The following FAM135A variants were observed in gnomAD, a reference collection of about 807,000 sequenced individuals.
The protein encoded by FAM135A is protein FAM135A.
Under a neutral mutation model 146.8 loss-of-function variants are expected in FAM135A, and 79 were observed. The observed-to-expected ratio is 0.54, with a 90% CI of 0.45 to 0.65. The LOEUF (loss-of-function observed/expected upper bound fraction) is 0.65. FAM135A is among the 30% of genes least tolerant of loss of function. FAM135A has a pLI of 0.00. For synonymous variants in FAM135A, 562 were observed against 603.6 expected (o/e 0.93, Z 1.01); for missense variants, 1,623 against 1,758.2 (o/e 0.92, Z 1.38).
At chr6:70,478,304 A>T (rs1341390532) in intron 8 of FAM135A, among the ~76,000 whole-genome samples, 3 of 152,164 alleles carry the variant, frequency 2.0e-5, no homozygotes, top group Non-Finnish European at 4.4e-5. Flanking sequence ...AGTTTTTACA[A>T]CATCATCCTT....
intron 4 of FAM135A, among the ~76,000 whole-genome samples, chr6:70,446,968 A>C (rs1775891265): frequency 6.6e-6 from 1 of 152,228 alleles, no homozygotes; most frequent in African/African-American, 2.4e-5. Flanking sequence ...ATAGGTACAG[A>C]AGTTATAATT....
chr6:70,537,525 T>C (rs1448854036), intron 19 of FAM135A, among the ~76,000 whole-genome samples: 1 of 152,186 alleles, frequency 6.6e-6, no homozygotes, highest in East Asian at 1.9e-4. Context: ...TAATGTATAA[T>C]AGAACCCAAC....
chr6:70,533,070 C>A, intron 16 of FAM135A, 90 bp from the exon 17 acceptor site: 1 of 1,005,984 alleles, frequency 9.9e-7, no homozygotes, highest in Non-Finnish European at 1.5e-6. Flanking sequence ...AGGCCATAAG[C>A]TTGTCTCTAA....
chr6:70,489,341 A>T (rs1013697657), intron 10 of FAM135A, among the ~76,000 whole-genome samples: 3 of 152,204 alleles, frequency 2.0e-5, no homozygotes, highest in Non-Finnish European at 4.4e-5. Flanking sequence ...TTAGTTACCA[A>T]CAAGTTGGCC....
chr6:70,500,278 T>C (rs1394743864), intron 11 of FAM135A, among the ~76,000 whole-genome samples: 1 of 152,192 alleles, frequency 6.6e-6, no homozygotes, highest in African/African-American at 2.4e-5. Flanking sequence ...GATTTGGCTA[T>C]TGATATTTGT....
At chr6:70,501,418 A>G (rs896766912) in intron 11 of FAM135A, among the ~76,000 whole-genome samples, 20 of 152,260 alleles carry the variant, frequency 1.3e-4, no homozygotes, top group South Asian at 2.1e-4. Flanking sequence ...AGTGATTCCT[A>G]GCTTGCTGGG....
intron 20 of FAM135A, among the ~76,000 whole-genome samples, chr6:70,540,256 A>C (rs1026620282): frequency 2.7e-5 from 4 of 147,908 alleles, no homozygotes; most frequent in Admixed American, 6.7e-5. Flanking sequence ...GTGATGTCTT[A>C]TCCTTCTTTT....
intron 8 of FAM135A, among the ~76,000 whole-genome samples, chr6:70,479,723 T>A (rs904175935): frequency 1.3e-5 from 2 of 152,268 alleles, no homozygotes; most frequent in Non-Finnish European, 2.9e-5. Context: ...CATTGAAAAA[T>A]TTTTAATTTA....
intron 5 of FAM135A, among the ~76,000 whole-genome samples, chr6:70,460,028 T>TCAA: frequency 6.6e-6 from 1 of 152,256 alleles, no homozygotes; most frequent in East Asian, 1.9e-4. Flanking sequence ...AGACTCCGTC[T>TCAA]CAACAACAAC....
intron 5 of FAM135A, among the ~76,000 whole-genome samples, chr6:70,471,151 A>C (rs1781545366): frequency 1.3e-5 from 2 of 152,232 alleles, no homozygotes; most frequent in African/African-American, 4.8e-5. Flanking sequence ...AGGCACATTC[A>C]GTTTGTGGGT....
At chr6:70,445,438 T>G (rs750811097) in intron 4 of FAM135A, among the ~76,000 whole-genome samples, 1 of 152,056 alleles carries the variant, frequency 6.6e-6, no homozygotes, top group Non-Finnish European at 1.5e-5. Context: ...AGGTGCGGAG[T>G]GGGAAATCAG....
chr6:70,540,000 AAAAG>A lies in FAM135A; in HGVS notation c.4228+1605_4228+1608del, dbSNP rs1397819880. ...GACAGAGTGAGACTCCGTCTCAAAA[AAAAG>A]AAAGACATTGACAAATGTTTGTAAC... On this transcript the variant is annotated intron_variant, in intron 20 of 21. Transcript: ENST00000418814. 3.9e-5 allele frequency among the ~76,000 whole-genome samples: 6 copies of A among 152,208 alleles called. No homozygotes were observed. The East Asian group carries it at 7.7e-4, about 20-fold the overall frequency.
Position 70,525,108 on chromosome 6 carries a change from A to G in FAM135A, c.2024A>G (p.Lys675Arg), listed in dbSNP as rs1469015817. The stretch of plus-strand genomic sequence containing the variant: ...TTCAGTGGAGAGAATATAACTGTCA[A>G]ACTAGGACCTTGGACAGAGCTTCGA... ...DPFSGENITV[K>R]LGPWTELRQE... The change falls in exon 15 of 22, where the codon AAA becomes AGA. Residue 675 changes from lysine to arginine, a missense_variant. Lys to Arg is a conservative substitution (Grantham distance 26, BLOSUM62 2). Around this residue, in one of 7 missense-constraint regions of FAM135A, gnomAD observed 1,061 missense variants for 1,113.8 expected, o/e 0.95. Transcript: ENST00000418814. The G allele has an allele frequency of 1.9e-6, 3 of 1,565,710 alleles. No individual in the cohort carries two copies. The East Asian group carries it at 6.7e-5, about 35-fold the overall frequency.
At chr6:70,422,711 T>A (rs1769132428) in intron 2 of FAM135A, among the ~76,000 whole-genome samples, 1 of 152,218 alleles carries the variant, frequency 6.6e-6, no homozygotes, top group Non-Finnish European at 1.5e-5. Flanking sequence ...AATTCCTTTC[T>A]CCAAGTTGGT....
At chr6:70,530,265 C>T (rs1156329702) in intron 16 of FAM135A, among the ~76,000 whole-genome samples, 1 of 151,976 alleles carries the variant, frequency 6.6e-6, no homozygotes, top group Admixed American at 6.6e-5. Flanking sequence ...ATATCCATTC[C>T]TAATTATTAC....
rs1794438374 is a variant in FAM135A at position 70,525,194 on chromosome 6, A to G, written c.2110A>G (p.Lys704Glu). 2.5e-6 allele frequency: 4 copies of G among 1,595,164 alleles called. No individual in the cohort carries two copies. The highest frequency in any genetic ancestry group is 3.4e-6 in the Non-Finnish European group (4 of 1,173,752). Reference protein sequence around the residue: ...PNFESLESNGKSKSIEITFEK... With the variant: ...PNFESLESNGESKSIEITFEK... ...CTTTGAGTCCTTAGAATCTAATGGT[A>G]AATCTAAATCTATAGAAATAACATT... Residue 704 changes from lysine to glutamate, a missense_variant, in exon 15 of 22, where the codon AAA (lysine) becomes GAA (glutamate). Physicochemically the swap from Lys to Glu is moderately conservative, Grantham distance 56. This residue lies in a region of FAM135A where 1,061 missense variants were observed against 1,113.8 expected (regional missense o/e 0.95). Coordinates refer to ENST00000418814, the MANE Select transcript of FAM135A (RefSeq NM_001162529.3).
At chr6:70,500,914 G>C (rs1359414659) in intron 11 of FAM135A, among the ~76,000 whole-genome samples, 1 of 152,184 alleles carries the variant, frequency 6.6e-6, no homozygotes, top group Admixed American at 6.5e-5. Flanking sequence ...TGAGTTGTCT[G>C]TCGACCCCTG....
chr6:70,486,921 C>T (rs949878586), intron 10 of FAM135A, among the ~76,000 whole-genome samples: 4 of 151,552 alleles, frequency 2.6e-5, no homozygotes, highest in African/African-American at 7.3e-5. Flanking sequence ...AAGTGAAACT[C>T]TGCCTCAAAA....
At chr6:70,417,896 A>G (rs148643589) in intron 2 of FAM135A, among the ~76,000 whole-genome samples, 22 of 152,358 alleles carry the variant, frequency 1.4e-4, no homozygotes, top group African/African-American at 4.6e-4. Context: ...GGTATCATCA[A>G]CAGAGAAACA....
Sources: allele counts gnomAD v4.1 joint callset (sites outside exome capture counted in the v4.1 genomes callset), GRCh38; gene constraint gnomAD v4.1.1; regional missense constraint gnomAD v4.1.1; transcripts MANE v1.5; gene names NCBI Gene and HGNC (gene_info 2026-07-23, HGNC 2026-07-21).